Variants in EXOC3L2 observed in about 807,000 individuals in gnomAD.
The protein encoded by EXOC3L2 is exocyst complex component 3-like protein 2.
EXOC3L2 carries 17 observed loss-of-function variants against 44.4 expected under a neutral mutation model. The ratio of observed to expected loss-of-function variants is 0.38; its 90% CI spans 0.26 to 0.57. The LOEUF (loss-of-function observed/expected upper bound fraction) is 0.57. Among genes scored for constraint, EXOC3L2 ranks in the 20% least tolerant of loss-of-function variants. The pLI is 0.65. For missense variants in EXOC3L2, 541 were observed against 588.4 expected, an observed-to-expected ratio of 0.92 and a Z score of 0.83; for synonymous variants, 256 against 253.7, an observed-to-expected ratio of 1.01 and a Z score of -0.09.
intron 1 of EXOC3L2, 43 bp from the exon 2 acceptor site, chr19:45,239,104 G>C (rs897465594): frequency 5.0e-6 from 2 of 397,108 alleles, no homozygotes; most frequent in Non-Finnish European, 8.8e-6. Context: ...TGATGACAAT[G>C]GTGGTATGGA....
chr19:45,243,200 C>T (rs922269095), intron 1 of EXOC3L2, among the ~76,000 whole-genome samples: 3 of 152,124 alleles, frequency 2.0e-5, no homozygotes, highest in Non-Finnish European at 2.9e-5. Context: ...TGTAATATTC[C>T]ACTATATGAA....
At chr19:45,218,532 G>T (rs1969863649) in intron 8 of EXOC3L2, among the ~76,000 whole-genome samples, 2 of 152,088 alleles carry the variant, frequency 1.3e-5, no homozygotes, top group Non-Finnish European at 2.9e-5. Context: ...CCCAAAGCTG[G>T]CAAGGCTGGG....
In EXOC3L2 at chr19:45,238,374, G is replaced by A; in HGVS notation, c.523+149C>T. The A allele has an allele frequency of 2.5e-6, 1 of 398,696 alleles. No individual in the cohort carries two copies. The allele number at this position is 398,696 out of a possible 1,614,324, so 24.7% of individuals were successfully genotyped here. On this transcript the variant is annotated intron_variant, in intron 2 of 11. Coordinates refer to ENST00000413988, the MANE Select transcript of EXOC3L2 (RefSeq NM_001382422.1). This position sits in a 1 kb window ranked among gnomAD's most constrained non-coding sequence, Gnocchi z 5.5. ...AATGGGTTGGAGCTGGCATGGAGGT[G>A]GGAGATGTGAGTTAGACATGTGAAT...
chr19:45,238,753 C>T lies in EXOC3L2; in HGVS notation c.293G>A (p.Arg98His), dbSNP rs11673000. The T allele has an allele frequency of 7.5e-6, 3 of 398,708 alleles. No homozygotes were observed. The highest frequency in any genetic ancestry group is 4.1e-5 in the African/African-American group (2 of 48,588). 24.7% of individuals were successfully genotyped at this position (398,708 alleles called of 1,614,324 possible). A position where few individuals can be genotyped will look rare whatever the true frequency, so the allele number is the denominator to read the frequency against. ...FLGRVLVPGI[R>H]RSSADFGLLA... is the part of the protein sequence containing the mutation. ...GAGGCCAAAATCTGCTGAGCTCCTG[C>T]GTATCCCTGGTACCAGCACACGGCC... The change falls in exon 2 of 12, where the codon CGC (arginine) becomes CAC (histidine). Residue 98 changes from arginine to histidine, a missense_variant. Transcript: ENST00000413988. The surrounding 1 kb of genome is among the most constrained non-coding windows in gnomAD (Gnocchi z 5.5).
At chr19:45,229,164 G>T (rs1969999999) in intron 4 of EXOC3L2, among the ~76,000 whole-genome samples, 1 of 149,488 alleles carries the variant, frequency 6.7e-6, no homozygotes, top group African/African-American at 2.4e-5. Context: ...GGGCTTAATT[G>T]TGTGTGTGTG....
intron 6 of EXOC3L2, 67 bp from the exon 7 acceptor site, chr19:45,227,839 C>G: frequency 6.5e-7 from 1 of 1,541,796 alleles, no homozygotes; most frequent in Non-Finnish European, 8.8e-7. Flanking sequence ...ACCCAGCCTG[C>G]CAAAGCCACC....
rs1214518518 is a variant in EXOC3L2 at position 45,212,412 on chromosome 19, C to T, written c.*657G>A. On this transcript the variant is annotated 3_prime_UTR_variant, in exon 12 of 12. Transcript: ENST00000413988. Reference sequence around the variant, plus strand: ...CTCTTTATTCTAAGTATCGAACGTTCCTTAATACATTGGATTGGGGCCAGA... The same window carrying T: ...CTCTTTATTCTAAGTATCGAACGTTTCTTAATACATTGGATTGGGGCCAGA... Among the ~76,000 whole-genome samples the T allele has an allele frequency of 6.6e-6, 1 of 152,058 alleles. No homozygotes were observed. Among genetic ancestry groups the T allele is most frequent in the African/African-American group, 2.4e-5 (1 of 41,382 alleles).
At position 45,223,041 on chromosome 19, in the gene EXOC3L2, C is replaced by T. The variant is rs551228308; in HGVS notation, c.1719+1737G>A. Among the ~76,000 whole-genome samples the T allele has an allele frequency of 2.6e-5, 4 of 152,074 alleles. No individual in the cohort carries two copies. The East Asian group carries it at 7.7e-4, about 29-fold the overall frequency. ...GCCAAGTCAGGAGGATCGCTTGAGC[C>T]CAGGAGTTCAAGACCAGCCTGGGCA... On this transcript the variant is annotated intron_variant, in intron 8 of 11. Coordinates refer to ENST00000413988, the MANE Select transcript of EXOC3L2 (RefSeq NM_001382422.1).
chr19:45,219,413 A>AAAAAAAAAAAAAAAAAAG (rs1404154051), intron 8 of EXOC3L2, among the ~76,000 whole-genome samples: 1 of 150,672 alleles, frequency 6.6e-6, no homozygotes, highest in Non-Finnish European at 1.5e-5. Context: ...AAAAAAAAAA[A>AAAAAAAAAAAAAAAAAAG]AGAGAAAAAG....
intron 7 of EXOC3L2, among the ~76,000 whole-genome samples, chr19:45,226,018 T>C (rs1969955934): frequency 6.6e-6 from 1 of 152,228 alleles, no homozygotes; most frequent in South Asian, 2.1e-4. Context: ...GACTTTTCCG[T>C]TAGGGCATGA....
intron 2 of EXOC3L2, among the ~76,000 whole-genome samples, chr19:45,237,039 G>A (rs1218274095): frequency 2.0e-5 from 3 of 151,698 alleles, no homozygotes; most frequent in East Asian, 1.9e-4. Flanking sequence ...GTCGCCAGAG[G>A]GAAATGGGTG....
At chr19:45,235,893 G>A (rs921101042) in intron 2 of EXOC3L2, among the ~76,000 whole-genome samples, 11 of 152,118 alleles carry the variant, frequency 7.2e-5, no homozygotes, top group Admixed American at 5.9e-4. Flanking sequence ...TTCGGGCCTC[G>A]GGGCTAAAAG....
chr19:45,224,778 C>T lies in EXOC3L2; in HGVS notation c.1719G>A (p.Gln573=), dbSNP rs1483849339. ...VVANLLFQEL[Q]PHFNKLMRRK... is the part of the protein sequence containing the mutation. ...AACCCTGGCCTCCCACCTCACTCACCTGCAGCTCCTGGAACAGCAGGTTGG... is the reference window on the plus strand; with the variant it reads ...AACCCTGGCCTCCCACCTCACTCACTTGCAGCTCCTGGAACAGCAGGTTGG... The change falls in exon 8 of 12, where the codon CAG becomes CAA. Residue 573 remains glutamine (Q), a splice_region_variant and synonymous_variant. Coordinates refer to ENST00000413988, the MANE Select transcript of EXOC3L2 (RefSeq NM_001382422.1). 2 of 1,552,482 alleles carry T rather than the reference C, an allele frequency of 1.3e-6. No individual in the cohort carries two copies. The highest frequency in any genetic ancestry group is 2.7e-5 in the African/African-American group (2 of 73,080).
intron 4 of EXOC3L2, among the ~76,000 whole-genome samples, chr19:45,230,820 C>G (rs573840841): frequency 2.0e-5 from 3 of 151,884 alleles, no homozygotes; most frequent in African/African-American, 2.4e-5. Context: ...TGGGGTGACT[C>G]ATGCTTATAC....
chr19:45,226,732 A>T lies in EXOC3L2; in HGVS notation c.1583+930T>A, dbSNP rs570285140. ...ATTACAGGTGTGAGCCACTGTGCCC[A>T]GCTGACTCCCATCTCTTTTTTTTTT... On this transcript the variant is annotated intron_variant, in intron 7 of 11. Coordinates refer to ENST00000413988, the MANE Select transcript of EXOC3L2 (RefSeq NM_001382422.1). Among the ~76,000 whole-genome samples, 6 of 122,952 alleles carry T rather than the reference A, an allele frequency of 4.9e-5. No homozygotes were observed. In the East Asian group the frequency reaches 1.6e-3, roughly 32 times the overall value. The allele number at this position is 122,952 out of a possible 152,430, so 80.7% of individuals were successfully genotyped here.
rs1969860114 is a variant in EXOC3L2 at position 45,218,326 on chromosome 19, G to A, written c.1720-7C>T. ...TCAGCTTGTTGAAGTGTGGCTGGCA[G>A]GGACAGAGTAGGGGGTCACGCTCTC... On this transcript the variant is annotated splice_region_variant and splice_polypyrimidine_tract_variant and intron_variant, in intron 8 of 11. Coordinates refer to ENST00000413988, the MANE Select transcript of EXOC3L2 (RefSeq NM_001382422.1). The A allele has an allele frequency of 5.0e-6, 8 of 1,597,600 alleles. No individual in the cohort carries two copies. Among genetic ancestry groups the A allele is most frequent in the Non-Finnish European group, 6.8e-6 (8 of 1,171,326 alleles).
Position 45,228,219 on chromosome 19 carries a change from C to T in EXOC3L2, c.1317G>A (p.Glu439=), listed in dbSNP as rs1489789423. ...ALLRVLQEDE[E]HWGSLEDQPS... ...GCTGGTCCTCCAGGCTCCCCCAGTG[C>T]TCTTCGTCCTCCTGCAGCACACGGA... The change falls in exon 5 of 12, where the codon GAG becomes GAA. Residue 439 remains glutamate, a synonymous_variant. Coordinates refer to ENST00000413988, the MANE Select transcript of EXOC3L2 (RefSeq NM_001382422.1). 1.2e-6 allele frequency: 2 copies of T among 1,614,156 alleles called. No individual in the cohort carries two copies. Among genetic ancestry groups the T allele is most frequent in the South Asian group, 2.2e-5 (2 of 91,082 alleles).
intron 4 of EXOC3L2, 28 bp downstream of exon 4, chr19:45,231,735 T>C (rs1286570369): frequency 1.3e-6 from 2 of 1,586,340 alleles, no homozygotes; most frequent in Non-Finnish European, 1.7e-6. Context: ...CAGCACCTCC[T>C]GCTTCCAAAA....
intron 8 of EXOC3L2, among the ~76,000 whole-genome samples, chr19:45,220,316 G>T (rs561381658): frequency 0.015 from 2,239 of 150,118 alleles, 65 homozygotes; most frequent in African/African-American, 0.052. Flanking sequence ...TTTTTTGTTT[G>T]TTTAATTAGC....
Sources: allele counts gnomAD v4.1 joint callset (sites outside exome capture counted in the v4.1 genomes callset), GRCh38; gene constraint gnomAD v4.1.1; non-coding constraint Gnocchi (gnomAD v3.1); transcripts MANE v1.5; gene names NCBI Gene and HGNC (gene_info 2026-07-23, HGNC 2026-07-21).